Variants in CHLSN observed in about 807,000 individuals in gnomAD.
CHLSN encodes protein cholesin.
chr7:1,013,268 T>C, the CHLSN span, among the ~76,000 whole-genome samples: 2 of 152,208 alleles, frequency 1.3e-5, no homozygotes, highest in African/African-American at 4.8e-5. Context: ...AATAAGAACG[T>C]GGGTTTAATT....
the CHLSN span, among the ~76,000 whole-genome samples, chr7:1,081,508 G>A: frequency 6.6e-6 from 1 of 152,254 alleles, no homozygotes; most frequent in Non-Finnish European, 1.5e-5. Flanking sequence ...GCGGCAAGGG[G>A]GCAGCCTGGA....
chr7:1,034,394 T>G, the CHLSN span, among the ~76,000 whole-genome samples: 1 of 99,438 alleles, frequency 1.0e-5, no homozygotes, highest in Non-Finnish European at 2.4e-5. Context: ...ATTTCAGGGT[T>G]TTTTTTTTTG....
chr7:1,137,985 A>C, the CHLSN span: 1 of 135,540 alleles, frequency 7.4e-6, no homozygotes, highest in Non-Finnish European at 1.6e-5. Flanking sequence ...CGGGTGTCGG[A>C]GCCCGCGCCG....
At chr7:994,980 G>C in the CHLSN span, among the ~76,000 whole-genome samples, 1 of 152,256 alleles carries the variant, frequency 6.6e-6, no homozygotes, top group Non-Finnish European at 1.5e-5. Context: ...TCCACAGTGA[G>C]GAGCACTTGC....
chr7:987,039 GGGCT>G, the CHLSN span: 5 of 1,431,968 alleles, frequency 3.5e-6, no homozygotes, highest in Non-Finnish European at 4.6e-6. Flanking sequence ...GCCCAGGGCT[GGGCT>G]GGGTCTGTGG....
chr7:1,015,852 G>C, the CHLSN span, among the ~76,000 whole-genome samples: 1 of 152,200 alleles, frequency 6.6e-6, no homozygotes, highest in African/African-American at 2.4e-5. Flanking sequence ...ATCGAGTGCT[G>C]ACCGCCACTC....
the CHLSN span, among the ~76,000 whole-genome samples, chr7:1,124,728 A>T: frequency 0.083 from 12,498 of 150,788 alleles, 1,251 homozygotes; most frequent in African/African-American, 0.24. Context: ...AAAAATAAAA[A>T]AAATTTTAAA....
the CHLSN span, among the ~76,000 whole-genome samples, chr7:1,005,171 A>AT: frequency 2.0e-5 from 3 of 152,270 alleles, no homozygotes; most frequent in East Asian, 5.8e-4. Flanking sequence ...GATGCCTGTA[A>AT]TCTCAGCTAC....
At chr7:1,132,607 T>C in the CHLSN span, among the ~76,000 whole-genome samples, 3 of 149,396 alleles carry the variant, frequency 2.0e-5, no homozygotes, top group South Asian at 6.3e-4. Flanking sequence ...AGTGGGAGGA[T>C]GACCTGAGCT....
At chr7:1,044,008 A>G in the CHLSN span, 1 of 152,286 alleles carries the variant, frequency 6.6e-6, no homozygotes, top group African/African-American at 2.4e-5. Flanking sequence ...TTGTAACAAT[A>G]GCTACAAAAG....
the CHLSN span, among the ~76,000 whole-genome samples, chr7:1,032,948 AC>A: frequency 6.6e-6 from 1 of 152,228 alleles, no homozygotes; most frequent in African/African-American, 2.4e-5. Context: ...TCTCTGGGAA[AC>A]CTGTGAGCCC....
the CHLSN span, chr7:986,671 G>A: frequency 6.2e-7 from 1 of 1,612,668 alleles, no homozygotes; most frequent in South Asian, 1.1e-5. Context: ...AGCTGCACCG[G>A]CCCGTCCTGC....
At chr7:1,097,976 C>T in the CHLSN span, among the ~76,000 whole-genome samples, 5 of 152,070 alleles carry the variant, frequency 3.3e-5, no homozygotes, top group Admixed American at 2.6e-4. The surrounding 1 kb of genome is among the most constrained non-coding windows in gnomAD (Gnocchi z 4.3). Context: ...TGTAACAATT[C>T]GACACAACAG....
chr7:1,048,517 C>T, the CHLSN span, among the ~76,000 whole-genome samples: 2 of 152,284 alleles, frequency 1.3e-5, no homozygotes, highest in South Asian at 4.1e-4. Flanking sequence ...CCCCCTCTGT[C>T]TCCAGGCCTG....
the CHLSN span, among the ~76,000 whole-genome samples, chr7:1,036,036 C>A: frequency 3.3e-5 from 5 of 152,178 alleles, no homozygotes; most frequent in African/African-American, 1.2e-4. Flanking sequence ...TGTGGGGTCC[C>A]ACCGCATGAC....
At chr7:1,110,522 C>G in the CHLSN span, among the ~76,000 whole-genome samples, 1 of 152,228 alleles carries the variant, frequency 6.6e-6, no homozygotes, top group East Asian at 1.9e-4. Flanking sequence ...CCTCCCGCCA[C>G]GTCTTCCCAT....
chr7:1,062,728 G>A, the CHLSN span, among the ~76,000 whole-genome samples: 23,781 of 152,208 alleles, frequency 0.16, 2,019 homozygotes, highest in South Asian at 0.16. Context: ...GAGAGCACAC[G>A]TTCCTGCCTC....
At chr7:1,068,254 C>T in the CHLSN span, among the ~76,000 whole-genome samples, 1 of 152,132 alleles carries the variant, frequency 6.6e-6, no homozygotes, top group South Asian at 2.1e-4. Flanking sequence ...GTGCTCACGC[C>T]ACACCCCTGG....
At chr7:1,076,584 A>T in the CHLSN span, among the ~76,000 whole-genome samples, 3 of 152,268 alleles carry the variant, frequency 2.0e-5, no homozygotes, top group African/African-American at 7.2e-5. Flanking sequence ...GGGCACAAGC[A>T]CCGGGGAGGG....
Sources: gnomAD v4.1 joint callset for allele counts (sites outside exome capture counted in the v4.1 genomes callset) on GRCh38, gnomAD v4.1.1 for gene constraint, Gnocchi (gnomAD v3.1) non-coding constraint, MANE v1.5 for transcripts, NCBI Gene and HGNC (gene_info 2026-07-23, HGNC 2026-07-21) for gene names.